Variants in ZFHX3 observed in about 807,000 individuals in gnomAD.
ZFHX3 encodes the protein zinc finger homeobox 3.
Under a neutral mutation model 279.1 loss-of-function variants are expected in ZFHX3, and 42 were observed. The observed-to-expected ratio is 0.15, with a 90% CI of 0.12 to 0.19. The LOEUF is 0.19. ZFHX3 is among the 10% of genes least tolerant of loss of function. The pLI, the probability that ZFHX3 is intolerant of heterozygous loss-of-function variation, is 1.00. For missense variants in ZFHX3, 4,981 were observed against 4,754.0 expected (o/e 1.05, Z -1.40); for synonymous variants, 2,293 against 1,957.8 (o/e 1.17, Z -4.52).
intron 2 of ZFHX3, among the ~76,000 whole-genome samples, chr16:73,543,025 C>T (rs1174816802): frequency 6.6e-6 from 1 of 152,200 alleles, no homozygotes; most frequent in East Asian, 1.9e-4. Context: ...TTTCCAGGTG[C>T]CTGGGGACCA....
chr16:72,861,763 C>T (rs2037895009), intron 4 of ZFHX3, among the ~76,000 whole-genome samples: 1 of 152,128 alleles, frequency 6.6e-6, no homozygotes, highest in African/African-American at 2.4e-5. Flanking sequence ...GCCTGTAATC[C>T]CAGCACTTTG....
chr16:73,334,660 G>A (rs938486194), intron 3 of ZFHX3, among the ~76,000 whole-genome samples: 3 of 151,978 alleles, frequency 2.0e-5, no homozygotes, highest in African/African-American at 7.3e-5. Context: ...AACGAAGAAC[G>A]GAAGCTCAAG....
upstream of ZFHX3, chr16:73,062,341 A>T (rs1965693891): frequency 6.6e-6 from 1 of 152,208 alleles, no homozygotes; most frequent in Admixed American, 6.5e-5. Flanking sequence ...CATTTGTGTG[A>T]GTATGTGAAT....
intron 3 of ZFHX3, among the ~76,000 whole-genome samples, chr16:73,405,588 TTTTG>T (rs1348326911): frequency 1.5e-5 from 2 of 134,074 alleles, no homozygotes; most frequent in Admixed American, 7.7e-5. Context: ...TTTTTTTGTT[TTTTG>T]TTTTTTTTTT....
At chr16:73,562,501 C>T (rs1042693808) in intron 2 of ZFHX3, among the ~76,000 whole-genome samples, 1 of 147,638 alleles carries the variant, frequency 6.8e-6, no homozygotes, top group East Asian at 2.1e-4. Flanking sequence ...GAGGCTGAGG[C>T]GGGAGAATGG....
intron 3 of ZFHX3, among the ~76,000 whole-genome samples, chr16:73,387,587 T>C (rs544159590): frequency 6.6e-6 from 1 of 152,144 alleles, no homozygotes; most frequent in African/African-American, 2.4e-5. Flanking sequence ...CACGGAAAAA[T>C]AGCCTCTTTT....
chr16:72,864,221 A>T (rs79575925), intron 4 of ZFHX3, among the ~76,000 whole-genome samples: 2,074 of 152,082 alleles, frequency 0.014, 23 homozygotes, highest in Middle Eastern at 0.02. Flanking sequence ...CCTGACCCTT[A>T]TATTTTTTTC....
At chr16:73,625,121 T>C (rs1213925517) in intron 2 of ZFHX3, among the ~76,000 whole-genome samples, 1 of 152,232 alleles carries the variant, frequency 6.6e-6, no homozygotes, top group East Asian at 1.9e-4. Context: ...AAATACAATA[T>C]AGATGTGGAA....
At chr16:73,170,681 G>A (rs1365338081) in intron 5 of ZFHX3, among the ~76,000 whole-genome samples, 1 of 152,184 alleles carries the variant, frequency 6.6e-6, no homozygotes, top group Non-Finnish European at 1.5e-5. Context: ...GCTAGGAAAG[G>A]TCAAATCATC....
intron 2 of ZFHX3, among the ~76,000 whole-genome samples, chr16:73,462,390 C>G (rs1156843062): frequency 6.6e-6 from 1 of 152,064 alleles, no homozygotes; most frequent in Non-Finnish European, 1.5e-5. Context: ...CCTTTCTTAT[C>G]TGTGTACCTT....
chr16:72,885,773 G>T (rs985502045), intron 4 of ZFHX3, among the ~76,000 whole-genome samples: 1 of 152,182 alleles, frequency 6.6e-6, no homozygotes, highest in African/African-American at 2.4e-5. Flanking sequence ...AAAGGAGAAG[G>T]AATGTCATCA....
chr16:73,803,195 A>G (rs1366319383), intron 1 of ZFHX3, among the ~76,000 whole-genome samples: 1 of 152,248 alleles, frequency 6.6e-6, no homozygotes. Context: ...AGAAATTTAT[A>G]GAACAGGAAA....
At chr16:73,690,147 C>T (rs1025150580) in intron 1 of ZFHX3, among the ~76,000 whole-genome samples, 5 of 152,114 alleles carry the variant, frequency 3.3e-5, no homozygotes, top group African/African-American at 1.2e-4. Context: ...GAACTCCTGA[C>T]CTCAGACAAT....
At chr16:73,602,830 C>T (rs2052133755) in intron 2 of ZFHX3, among the ~76,000 whole-genome samples, 1 of 142,360 alleles carries the variant, frequency 7.0e-6, no homozygotes, top group Non-Finnish European at 1.5e-5. Flanking sequence ...ACCTGTAATC[C>T]AAGGTATTCG....
chr16:73,216,478 C>T (rs768175174), intron 5 of ZFHX3, among the ~76,000 whole-genome samples: 3 of 152,230 alleles, frequency 2.0e-5, no homozygotes, highest in African/African-American at 4.8e-5. Context: ...ATCCATCTCC[C>T]TCAAAAGACT....
chr16:73,823,441 T>C (rs1485765000), intron 1 of ZFHX3, among the ~76,000 whole-genome samples: 1 of 152,062 alleles, frequency 6.6e-6, no homozygotes, highest in Non-Finnish European at 1.5e-5. Flanking sequence ...ATAAAGCAAG[T>C]GCTAAACAAA....
chr16:72,899,206 C>T (rs2038972526), intron 3 of ZFHX3, among the ~76,000 whole-genome samples: 2 of 152,214 alleles, frequency 1.3e-5, no homozygotes, highest in Non-Finnish European at 2.9e-5. Context: ...CCACGCAAAT[C>T]TCATCTTGAA....
At chr16:73,019,358 G>A (rs1021506150) in intron 1 of ZFHX3, among the ~76,000 whole-genome samples, 3 of 151,986 alleles carry the variant, frequency 2.0e-5, no homozygotes, top group African/African-American at 4.8e-5. Context: ...GTGTGTGTGT[G>A]TGTGTGTGTG....
chr16:72,908,411 A>G (rs1398026333), intron 3 of ZFHX3, among the ~76,000 whole-genome samples: 1 of 152,244 alleles, frequency 6.6e-6, no homozygotes, highest in South Asian at 2.1e-4. Context: ...AATTAAAACA[A>G]AACAGCTGCT....
Sources: gnomAD v4.1 joint callset for allele counts (sites outside exome capture counted in the v4.1 genomes callset) on GRCh38, gnomAD v4.1.1 for gene constraint, MANE v1.5 for transcripts, NCBI Gene and HGNC (gene_info 2026-07-23, HGNC 2026-07-21) for gene names.